The following CRB1 variants were observed in gnomAD, a reference collection of about 807,000 sequenced individuals.
CRB1 encodes the protein protein crumbs homolog 1.
A neutral mutation model predicts 120.0 loss-of-function variants in CRB1; 83 were observed. That is an observed-to-expected ratio of 0.69 (90% CI 0.58 to 0.83). CRB1 has a LOEUF of 0.83. CRB1 is among the 40% of genes least tolerant of loss of function. The pLI is 0.00. For missense variants in CRB1, 1,699 were observed against 1,687.6 expected, an observed-to-expected ratio of 1.01 and a Z score of -0.12; for synonymous variants, 625 against 612.5, an observed-to-expected ratio of 1.02 and a Z score of -0.30.
At chr1:197,415,296 C>T (rs2759663) in intron 5 of CRB1, among the ~76,000 whole-genome samples, 3 of 152,050 alleles carry the variant, frequency 2.0e-5, no homozygotes, top group Non-Finnish European at 4.4e-5. Context: ...CCTGTCTCTA[C>T]TTTCTTCCCA....
the CRB1 span, among the ~76,000 whole-genome samples, chr1:197,257,087 G>A: frequency 6.6e-6 from 1 of 151,908 alleles, no homozygotes; most frequent in Non-Finnish European, 1.5e-5. Flanking sequence ...GAGAACCAGG[G>A]GAGCTAATGA....
chr1:197,320,794 CTT>C (rs1309368071), intron 1 of CRB1, among the ~76,000 whole-genome samples: 2 of 152,048 alleles, frequency 1.3e-5, no homozygotes, highest in Admixed American at 6.5e-5. Flanking sequence ...GTAAAGCACT[CTT>C]ATTAAACTAT....
chr1:197,409,838 A>C (rs1008550306), intron 5 of CRB1, among the ~76,000 whole-genome samples: 33 of 152,206 alleles, frequency 2.2e-4, no homozygotes, highest in Admixed American at 2.1e-3. Context: ...GCTGGAGTGC[A>C]GTGGCGCAAT....
In CRB1 at chr1:197,353,814, TAAA is replaced by T. The variant is rs57274486; in HGVS notation, c.989-2996_989-2994del. ...AGACTCCGTCTCAAAAATATATAAA[TAAA>T]AAAAAAAAAAAAAAAAAAAACTTTA... On this transcript the variant is annotated intron_variant, in intron 4 of 11. Coordinates refer to ENST00000367400, the MANE Select transcript of CRB1 (RefSeq NM_201253.3). Among the ~76,000 whole-genome samples, 870 of 89,410 alleles carry T rather than the reference TAAA, an allele frequency of 9.7e-3. 14 individuals carry two copies. Among genetic ancestry groups the T allele is most frequent in the African/African-American group, 0.04 (814 of 20,116 alleles). The allele number at this position is 89,410 out of a possible 152,430, so 58.7% of individuals were successfully genotyped here.
At chr1:197,380,821 G>A (rs564523101) in intron 5 of CRB1, among the ~76,000 whole-genome samples, 90 of 152,276 alleles carry the variant, frequency 5.9e-4, no homozygotes, top group Non-Finnish European at 1.1e-3. Context: ...TCCTGTCTGA[G>A]TGCATCTCCA....
At chr1:197,452,895 A>G (rs1235329702) in intron 11 of CRB1, among the ~76,000 whole-genome samples, 1 of 152,232 alleles carries the variant, frequency 6.6e-6, no homozygotes, top group Non-Finnish European at 1.5e-5. Flanking sequence ...TATATACAAA[A>G]TAATTGAAAT....
chr1:197,354,453 C>A (rs1187677584), intron 4 of CRB1, among the ~76,000 whole-genome samples: 3 of 152,128 alleles, frequency 2.0e-5, no homozygotes, highest in African/African-American at 7.2e-5. Flanking sequence ...TCTGTTCTTT[C>A]TGATGTTCGG....
At chr1:197,418,597 A>G (rs1025979056) in intron 5 of CRB1, among the ~76,000 whole-genome samples, 3 of 148,378 alleles carry the variant, frequency 2.0e-5, no homozygotes, top group Non-Finnish European at 3.0e-5. Flanking sequence ...TGTAGATCAT[A>G]AATGGCAGTA....
At chr1:197,456,397 TTG>T (rs1666285594) in intron 11 of CRB1, among the ~76,000 whole-genome samples, 1 of 152,108 alleles carries the variant, frequency 6.6e-6, no homozygotes, top group Admixed American at 6.6e-5. Flanking sequence ...AATTTTGTTT[TTG>T]TGTGTGTGAA....
At chr1:197,415,835 G>T (rs371357647) in intron 5 of CRB1, among the ~76,000 whole-genome samples, 2 of 151,220 alleles carry the variant, frequency 1.3e-5, no homozygotes, top group South Asian at 2.1e-4. Flanking sequence ...ATAGAGATGG[G>T]GTTTCACCGT....
At chr1:197,341,584 C>T (rs910939462) in intron 2 of CRB1, among the ~76,000 whole-genome samples, 3 of 152,052 alleles carry the variant, frequency 2.0e-5, no homozygotes, top group African/African-American at 4.8e-5. Context: ...GTACAGAATG[C>T]TAATGTATAT....
At chr1:197,315,580 C>T (rs148731139) in intron 1 of CRB1, among the ~76,000 whole-genome samples, 2 of 152,334 alleles carry the variant, frequency 1.3e-5, no homozygotes, top group Non-Finnish European at 2.9e-5. Flanking sequence ...TTCATATAGA[C>T]TCTCTAAGAG....
At chr1:197,347,751 T>C (rs1264064034) in intron 4 of CRB1, among the ~76,000 whole-genome samples, 1 of 152,218 alleles carries the variant, frequency 6.6e-6, no homozygotes, top group Non-Finnish European at 1.5e-5. Context: ...AGCATGATCT[T>C]CATGGAGAAA....
chr1:197,372,763 C>G (rs1661438424), intron 5 of CRB1, among the ~76,000 whole-genome samples: 1 of 151,788 alleles, frequency 6.6e-6, no homozygotes, highest in African/African-American at 2.4e-5. Context: ...GGACCTATCT[C>G]TTTGTACGCA....
At chr1:197,432,961 T>C (rs1381474339) in intron 8 of CRB1, among the ~76,000 whole-genome samples, 1 of 152,042 alleles carries the variant, frequency 6.6e-6, no homozygotes, top group East Asian at 1.9e-4. Context: ...TGGCAAGAAA[T>C]TGTGGCTGTG....
intron 11 of CRB1, among the ~76,000 whole-genome samples, chr1:197,465,009 C>T (rs968841713): frequency 1.3e-5 from 2 of 152,136 alleles, no homozygotes; most frequent in Admixed American, 6.6e-5. Flanking sequence ...TCCCACCTTT[C>T]CTTGGGCAAG....
chr1:197,309,646 C>T lies in CRB1; in HGVS notation c.71-18776C>T, dbSNP rs554262488. 1.1e-4 allele frequency among the ~76,000 whole-genome samples: 17 copies of T among 151,884 alleles called. No individual in the cohort carries two copies. The East Asian group carries it at 1.7e-3, about 16-fold the overall frequency. On this transcript the variant is annotated intron_variant, in intron 1 of 11. Transcript: ENST00000367400. ...GCAGGCGCCTGTAGTCCCAGCTATG[C>T]GGGAGGCTGAGGCAGGAGAATGGCA... is the stretch of plus-strand genomic sequence containing the variant.
intron 5 of CRB1, among the ~76,000 whole-genome samples, chr1:197,392,445 C>T (rs1272107942): frequency 1.3e-5 from 2 of 151,978 alleles, no homozygotes; most frequent in Admixed American, 6.6e-5. Flanking sequence ...ATAAAGGTAA[C>T]TCAGATAATT....
chr1:197,259,876 A>G, the CRB1 span, among the ~76,000 whole-genome samples: 1,075 of 152,092 alleles, frequency 7.1e-3, 15 homozygotes, highest in African/African-American at 0.022. Context: ...CAGGCCGGGC[A>G]TGGTGGCTCA....
Sources: allele counts gnomAD v4.1 joint callset (sites outside exome capture counted in the v4.1 genomes callset), GRCh38; gene constraint gnomAD v4.1.1; transcripts MANE v1.5; gene names NCBI Gene and HGNC (gene_info 2026-07-23, HGNC 2026-07-21).